Variants in CGGBP1 observed in about 807,000 individuals in gnomAD.
The protein encoded by CGGBP1 is CGG triplet repeat-binding protein 1.
In CGGBP1, 4 loss-of-function variants were observed where a neutral mutation model predicts 11.4. The observed-to-expected ratio is 0.35, with a 90% CI of 0.17 to 0.80. The LOEUF is 0.80. Among genes scored for constraint, CGGBP1 ranks in the 30% least tolerant of loss-of-function variants. CGGBP1 has a pLI of 0.52. For missense variants in CGGBP1, 135 were observed against 202.1 expected (o/e 0.67, Z 2.01); for synonymous variants, 76 against 74.1 (o/e 1.03, Z -0.13).
At chr3:88,119,426 A>C (rs1307823474) in intron 2 of CGGBP1, among the ~76,000 whole-genome samples, 2 of 135,824 alleles carry the variant, frequency 1.5e-5, no homozygotes, top group African/African-American at 5.5e-5. Context: ...TAGCATTGGG[A>C]GATATACCTA....
chr3:88,123,025 AAGT>A (rs1366004220), intron 2 of CGGBP1, among the ~76,000 whole-genome samples: 10 of 151,598 alleles, frequency 6.6e-5, no homozygotes, highest in East Asian at 3.9e-4. Context: ...AAAAAAAAAA[AAGT>A]AAAAAGAAAA....
intron 2 of CGGBP1, among the ~76,000 whole-genome samples, chr3:88,111,774 C>T (rs1185780405): frequency 6.6e-6 from 1 of 151,916 alleles, no homozygotes; most frequent in Admixed American, 6.6e-5. Context: ...GGAACATTTA[C>T]ATTCCCTCCA....
intron 2 of CGGBP1, chr3:88,095,654 C>A: frequency 2.1e-6 from 1 of 485,462 alleles, no homozygotes; most frequent in South Asian, 1.5e-5. Flanking sequence ...TATCATCACT[C>A]TGTTCTCTTT....
chr3:88,143,793 T>C (rs776863404), intron 1 of CGGBP1: 15 of 152,100 alleles, frequency 9.9e-5, no homozygotes, highest in Non-Finnish European at 1.6e-4. Flanking sequence ...AAGGAATGTT[T>C]TATAAAATTC....
intron 2 of CGGBP1, among the ~76,000 whole-genome samples, chr3:88,110,133 C>T (rs551643851): frequency 1.3e-5 from 2 of 152,114 alleles, no homozygotes; most frequent in South Asian, 4.2e-4. Flanking sequence ...CACTAAGTGC[C>T]AGGAATTGTG....
At chr3:88,115,282 C>T (rs879423581) in intron 2 of CGGBP1, among the ~76,000 whole-genome samples, 1 of 152,160 alleles carries the variant, frequency 6.6e-6, no homozygotes, top group African/African-American at 2.4e-5. Context: ...ACTTCTCTTT[C>T]CCCCCGCTGT....
chr3:88,086,416 ACTT>A, intron 2 of CGGBP1: 1 of 1,478,318 alleles, frequency 6.8e-7, no homozygotes, highest in Non-Finnish European at 9.0e-7. Flanking sequence ...AGTACTTTTT[ACTT>A]CTTATAAATG....
chr3:88,111,734 A>G (rs1010710574), intron 2 of CGGBP1, among the ~76,000 whole-genome samples: 6 of 151,968 alleles, frequency 3.9e-5, no homozygotes, highest in Non-Finnish European at 7.4e-5. Flanking sequence ...GTCAAATGGT[A>G]TGTGTACATT....
chr3:88,106,707 G>GTAAT lies in CGGBP1; in HGVS notation c.-229+34262_-229+34263insATTA, dbSNP rs1704762406. The stretch of plus-strand genomic sequence containing the variant: ...TTTGTTTAATGCTTTTTTAAGCTGT[G>GTAAT]TAGATTTTTAAAATGTAATTAAAAT... On this transcript the variant is annotated intron_variant, in intron 2 of 3. Transcript: ENST00000462901. Among the ~76,000 whole-genome samples, 5 of 152,066 alleles carry GTAAT rather than the reference G, an allele frequency of 3.3e-5. No individual in the cohort carries two copies. The South Asian group carries it at 1.0e-3, about 31-fold the overall frequency.
chr3:88,138,888 G>T (rs757712233), intron 2 of CGGBP1: 3 of 1,232,296 alleles, frequency 2.4e-6, no homozygotes, highest in Non-Finnish European at 3.0e-6. Flanking sequence ...CTCCTTAGAA[G>T]CGTATCGTAC....
At chr3:88,143,334 T>C (rs6551276) in intron 1 of CGGBP1, 142,005 of 152,292 alleles carry the variant, frequency 0.93, 66,334 homozygotes, top group African/African-American at 0.98. Context: ...ATGTAGCCTA[T>C]ATTAGGCTGT....
intron 2 of CGGBP1, among the ~76,000 whole-genome samples, chr3:88,074,492 C>T (rs930681399): frequency 5.3e-5 from 8 of 152,118 alleles, no homozygotes; most frequent in Admixed American, 3.9e-4. Flanking sequence ...CAGGCATCTG[C>T]CTCCATGCCT....
intron 2 of CGGBP1, among the ~76,000 whole-genome samples, chr3:88,124,380 T>C (rs1030437467): frequency 6.6e-5 from 10 of 152,344 alleles, no homozygotes; most frequent in East Asian, 1.9e-4. Context: ...TTAGAAGATA[T>C]TTATTTTCAT....
chr3:88,116,555 T>TACACACACAC (rs1398775960), intron 2 of CGGBP1, among the ~76,000 whole-genome samples: 1 of 12,582 alleles, frequency 7.9e-5, no homozygotes, highest in Non-Finnish European at 8.9e-4. Context: ...CATACATACA[T>TACACACACAC]ATATATACAC....
At chr3:88,076,007 T>C (rs539839600) in intron 2 of CGGBP1, among the ~76,000 whole-genome samples, 18 of 152,368 alleles carry the variant, frequency 1.2e-4, no homozygotes, top group African/African-American at 3.4e-4. Flanking sequence ...ACTTTGACTT[T>C]CTGGAGCACT....
chr3:88,126,066 CAAT>C (rs1336177187), intron 2 of CGGBP1: 10 of 1,344,566 alleles, frequency 7.4e-6, no homozygotes, highest in Admixed American at 5.8e-5. Context: ...ATTTTATTGA[CAAT>C]GATGATCAAG....
chr3:88,074,667 A>G (rs955021212), intron 2 of CGGBP1, among the ~76,000 whole-genome samples: 1 of 152,162 alleles, frequency 6.6e-6, no homozygotes, highest in Non-Finnish European at 1.5e-5. Flanking sequence ...AAGAGTCTTG[A>G]AGATCAGTAG....
At position 88,109,328 on chromosome 3, in the gene CGGBP1, T is replaced by C. The variant is rs149720519; in HGVS notation, c.-229+31642A>G. 5.3e-3 allele frequency among the ~76,000 whole-genome samples: 807 copies of C among 152,260 alleles called. 5 individuals are homozygous for C. Among genetic ancestry groups the C allele is most frequent in the African/African-American group, 0.017 (694 of 41,554 alleles). On this transcript the variant is annotated intron_variant, in intron 2 of 3. Transcript: ENST00000462901. ...TTACTAAGTAGGACTGAATAGAAAT[T>C]TCTGTAAGATACCAAACCTTCAGTT...
chr3:88,139,797 T>A (rs1214457529), intron 2 of CGGBP1: 1 of 1,556,518 alleles, frequency 6.4e-7, no homozygotes, highest in Non-Finnish European at 8.7e-7. Flanking sequence ...AGAAGGTGAT[T>A]ATGAAGAAGA....
Sources: gnomAD v4.1 joint callset for allele counts (sites outside exome capture counted in the v4.1 genomes callset) on GRCh38, gnomAD v4.1.1 for gene constraint, MANE v1.5 for transcripts, NCBI Gene and HGNC (gene_info 2026-07-23, HGNC 2026-07-21) for gene names.